Variants in BICC1 observed in about 807,000 individuals in gnomAD.
The protein encoded by BICC1 is protein bicaudal C homolog 1.
BICC1 carries 43 observed loss-of-function variants against 111.0 expected under a neutral mutation model. That is an observed-to-expected ratio of 0.39 (90% CI 0.30 to 0.50). The LOEUF (loss-of-function observed/expected upper bound fraction) is 0.50. Ranked by LOEUF, BICC1 falls within the 20% of genes least tolerant of loss-of-function variation. The pLI is 0.88. For missense variants in BICC1, 1,091 were observed against 1,203.2 expected, an observed-to-expected ratio of 0.91 and a Z score of 1.38; for synonymous variants, 467 against 434.4, an observed-to-expected ratio of 1.07 and a Z score of -0.93.
intron 5 of BICC1, among the ~76,000 whole-genome samples, chr10:58,787,804 T>C (rs1843055399): frequency 6.6e-6 from 1 of 152,118 alleles, no homozygotes; most frequent in South Asian, 2.1e-4. Context: ...TAAAAACTGG[T>C]ACGGCATGAC....
intron 2 of BICC1, among the ~76,000 whole-genome samples, chr10:58,682,933 T>G (rs1187523284): frequency 6.6e-6 from 1 of 152,224 alleles, no homozygotes; most frequent in African/African-American, 2.4e-5. Context: ...ATTGCTTTGG[T>G]GTTTTAGTCA....
At chr10:58,732,005 C>T (rs1841314751) in intron 3 of BICC1, among the ~76,000 whole-genome samples, 1 of 152,158 alleles carries the variant, frequency 6.6e-6, no homozygotes, top group Non-Finnish European at 1.5e-5. Context: ...CTTTTCATTT[C>T]CTTCAAGAAC....
At position 58,828,873 on chromosome 10, in the gene BICC1, T is replaced by C; in HGVS notation, c.2907T>C (p.Ser969=). The stretch of plus-strand genomic sequence containing the variant: ...GTCAGTATCACTCAGACATTGCTAG[T>C]GTCAGTGGCCGCTGGTAGCAGCACC... ...LPRQYHSDIA[S]VSGRW is the part of the protein sequence containing the mutation. Residue 969 remains serine (S), a synonymous_variant, in exon 21 of 21, where the codon AGT becomes AGC. Transcript: ENST00000373886. 6.2e-7 allele frequency: 1 copy of C among 1,613,934 alleles called. No homozygotes were observed. The highest frequency in any genetic ancestry group is 8.5e-7 in the Non-Finnish European group (1 of 1,179,844).
At chr10:58,740,324 T>A (rs911454342) in intron 3 of BICC1, among the ~76,000 whole-genome samples, 1 of 152,236 alleles carries the variant, frequency 6.6e-6, no homozygotes, top group Admixed American at 6.5e-5. Context: ...AAGACGATTA[T>A]AATTTAGAAA....
At chr10:58,799,733 A>AT (rs1843478501) in intron 12 of BICC1, among the ~76,000 whole-genome samples, 1 of 151,824 alleles carries the variant, frequency 6.6e-6, no homozygotes, top group Non-Finnish European at 1.5e-5. Flanking sequence ...TGCCAGTACC[A>AT]TGCTGTTTGG....
chr10:58,681,381 A>G (rs1269047111), intron 2 of BICC1, among the ~76,000 whole-genome samples: 3 of 152,196 alleles, frequency 2.0e-5, no homozygotes, highest in African/African-American at 7.2e-5. Flanking sequence ...GAAGACATTT[A>G]TATGGCCAAC....
chr10:58,568,094 C>T (rs1343434621), intron 1 of BICC1, among the ~76,000 whole-genome samples: 3 of 152,098 alleles, frequency 2.0e-5, no homozygotes, highest in African/African-American at 2.4e-5. Flanking sequence ...AGGTAGTTTA[C>T]CTTGATTTCC....
chr10:58,584,792 T>A (rs1844384377), intron 1 of BICC1, among the ~76,000 whole-genome samples: 1 of 152,108 alleles, frequency 6.6e-6, no homozygotes, highest in South Asian at 2.1e-4. Context: ...GTGCCTTTTT[T>A]TTTTTTCTTA....
intron 1 of BICC1, among the ~76,000 whole-genome samples, chr10:58,532,199 T>A (rs969340516): frequency 4.0e-5 from 6 of 151,508 alleles, no homozygotes; most frequent in Admixed American, 4.0e-4. Flanking sequence ...ACAGAGACTT[T>A]CCATAAGAAT....
At chr10:58,780,053 C>T (rs1158115331) in intron 3 of BICC1, among the ~76,000 whole-genome samples, 3 of 152,168 alleles carry the variant, frequency 2.0e-5, no homozygotes, top group African/African-American at 4.8e-5. Context: ...CAGTGTTTGT[C>T]AACACTGGCC....
chr10:58,782,293 T>C (rs1292534155), intron 3 of BICC1, among the ~76,000 whole-genome samples: 1 of 152,218 alleles, frequency 6.6e-6, no homozygotes, highest in African/African-American at 2.4e-5. Context: ...AGTCACACAT[T>C]TGTAGATTAT....
intron 17 of BICC1, among the ~76,000 whole-genome samples, chr10:58,811,536 C>T (rs942959392): frequency 2.2e-4 from 33 of 152,158 alleles, no homozygotes; most frequent in African/African-American, 7.7e-4. Context: ...GTGAAGGCGT[C>T]CCATAGTTGT....
intron 3 of BICC1, among the ~76,000 whole-genome samples, chr10:58,715,054 C>T (rs1218027586): frequency 2.0e-5 from 3 of 146,440 alleles, no homozygotes; most frequent in Non-Finnish European, 4.5e-5. Flanking sequence ...GGCAACAGAG[C>T]AAGACTCTGT....
chr10:58,785,762 G>A (rs1055606287), intron 4 of BICC1, among the ~76,000 whole-genome samples: 1 of 152,160 alleles, frequency 6.6e-6, no homozygotes, highest in African/African-American at 2.4e-5. Flanking sequence ...CAGCACAAAG[G>A]TATTAAGTAA....
chr10:58,785,015 G>A lies in BICC1; in HGVS notation c.322G>A (p.Val108Ile). 1.3e-6 allele frequency: 2 copies of A among 1,591,158 alleles called. No individual in the cohort carries two copies. The highest frequency in any genetic ancestry group is 1.7e-6 in the Non-Finnish European group (2 of 1,164,542). Residue 108 changes from valine to isoleucine, a missense_variant, in exon 4 of 21, where the codon GTT becomes ATT. This residue lies in a region of BICC1 where 843 missense variants were observed against 900.8 expected (regional missense o/e 0.94). Coordinates refer to ENST00000373886, the MANE Select transcript of BICC1 (RefSeq NM_001080512.3). ...CTTTCTTATAGATCCCCATATTAAG[G>A]TTTCTGGAAAGAAAGAAGATGTTAA... ...AKSKKDPHIK[V>I]SGKKEDVKEA... is the part of the protein sequence containing the mutation.
chr10:58,754,753 G>T (rs533328267), intron 3 of BICC1, among the ~76,000 whole-genome samples: 106 of 115,568 alleles, frequency 9.2e-4, no homozygotes, highest in African/African-American at 3.2e-3. Context: ...TGTGAGGGGG[G>T]GTGTGTATGT....
Position 58,582,233 on chromosome 10 carries a change from C to T in BICC1, c.191-38622C>T, listed in dbSNP as rs569576118. Among the ~76,000 whole-genome samples, 159 of 152,266 alleles carry T rather than the reference C, an allele frequency of 1.0e-3. 1 individual carries two copies. Among genetic ancestry groups the T allele is most frequent in the African/African-American group, 2.9e-3 (120 of 41,550 alleles). Reference sequence around the variant, plus strand: ...TTTCAAATGATATTACAGAATTGCTCTCTGTAAACTCTCCACTTTATATTT... The same window carrying T: ...TTTCAAATGATATTACAGAATTGCTTTCTGTAAACTCTCCACTTTATATTT... On this transcript the variant is annotated intron_variant, in intron 1 of 20. Coordinates refer to ENST00000373886, the MANE Select transcript of BICC1 (RefSeq NM_001080512.3).
chr10:58,629,261 G>A (rs1051389122), intron 2 of BICC1, among the ~76,000 whole-genome samples: 1 of 151,992 alleles, frequency 6.6e-6, no homozygotes, highest in Non-Finnish European at 1.5e-5. Context: ...AAAGCTGGAT[G>A]TGGTATTGTC....
chr10:58,814,976 C>G (rs1302275192), intron 18 of BICC1, among the ~76,000 whole-genome samples: 2 of 152,110 alleles, frequency 1.3e-5, no homozygotes, highest in African/African-American at 4.8e-5. Flanking sequence ...GGGGTTCTGG[C>G]TTTTAGCAAA....
Sources: gnomAD v4.1 joint callset for allele counts (sites outside exome capture counted in the v4.1 genomes callset) on GRCh38, gnomAD v4.1.1 for gene constraint, gnomAD v4.1.1 regional missense constraint, MANE v1.5 for transcripts, NCBI Gene and HGNC (gene_info 2026-07-23, HGNC 2026-07-21) for gene names.